The following LAMA2 variants were observed in gnomAD, a reference collection of about 807,000 sequenced individuals.
LAMA2 encodes laminin subunit alpha-2.
Under a neutral mutation model 364.8 loss-of-function variants are expected in LAMA2, and 269 were observed. The observed-to-expected ratio is 0.74, with a 90% CI of 0.67 to 0.82. LAMA2 has a LOEUF of 0.82. LAMA2 is among the 40% of genes least tolerant of loss of function. LAMA2 has a pLI of 0.00. For missense variants in LAMA2, 3,807 were observed against 3,873.2 expected, an observed-to-expected ratio of 0.98 and a Z score of 0.45; for synonymous variants, 1,379 against 1,370.6, an observed-to-expected ratio of 1.01 and a Z score of -0.14.
chr6:129,332,521 A>G (rs1309129869), intron 29 of LAMA2, among the ~76,000 whole-genome samples: 1 of 152,130 alleles, frequency 6.6e-6, no homozygotes, highest in Non-Finnish European at 1.5e-5. Context: ...ACAAATTTTA[A>G]TTACAATCAA....
At chr6:129,353,980 G>A (rs1777013851) in intron 32 of LAMA2, among the ~76,000 whole-genome samples, 1 of 152,108 alleles carries the variant, frequency 6.6e-6, no homozygotes, top group Non-Finnish European at 1.5e-5. Context: ...AAAGTACATT[G>A]AAATCAGTAG....
At position 129,512,352 on chromosome 6, in the gene LAMA2, T is replaced by C. The variant is rs779633863; in HGVS notation, c.8858-11T>C. 9.9e-6 allele frequency: 16 copies of C among 1,612,712 alleles called. No homozygotes were observed. Among genetic ancestry groups the C allele is most frequent in the African/African-American group, 1.3e-5 (1 of 74,892 alleles). ...TCTAATCCAAAATATTTTAAAATCTTCATTTTACAGTTGGTGGATTCAAAG... is the reference window on the plus strand; with the variant it reads ...TCTAATCCAAAATATTTTAAAATCTCCATTTTACAGTTGGTGGATTCAAAG... On this transcript the variant is annotated splice_polypyrimidine_tract_variant and intron_variant, in intron 62 of 64. Coordinates refer to ENST00000421865, the MANE Select transcript of LAMA2 (RefSeq NM_000426.4).
Position 129,218,838 on chromosome 6 carries a change from CAT to C in LAMA2, c.1782+25986_1782+25987del, listed in dbSNP as rs1268980942. 2.6e-5 allele frequency among the ~76,000 whole-genome samples: 4 copies of C among 151,228 alleles called. No individual in the cohort carries two copies. In the East Asian group the frequency reaches 7.7e-4, roughly 29 times the overall value. On this transcript the variant is annotated intron_variant, in intron 12 of 64. Transcript: ENST00000421865. The stretch of plus-strand genomic sequence containing the variant: ...ATTTGCAGATGCTTAAATTTAGATA[CAT>C]GTTTAATACTGTAATCATTTTGATC...
chr6:129,326,117 G>C (rs1478179094), intron 28 of LAMA2, among the ~76,000 whole-genome samples: 1 of 152,216 alleles, frequency 6.6e-6, no homozygotes, highest in Non-Finnish European at 1.5e-5. Flanking sequence ...TGGGATTACA[G>C]GCGTGAGCCA....
chr6:129,259,866 T>G (rs987603944), intron 14 of LAMA2, among the ~76,000 whole-genome samples: 7 of 152,136 alleles, frequency 4.6e-5, no homozygotes, highest in African/African-American at 1.7e-4. Flanking sequence ...CTTGGTCTAT[T>G]TGACTCACAA....
intron 9 of LAMA2, among the ~76,000 whole-genome samples, chr6:129,168,304 C>T (rs1174659231): frequency 6.7e-6 from 1 of 149,840 alleles, no homozygotes; most frequent in Non-Finnish European, 1.5e-5. Context: ...TTAGGTCTAA[C>T]GTTTAAGTCT....
At chr6:129,326,827 C>T (rs1280395803) in intron 28 of LAMA2, among the ~76,000 whole-genome samples, 2 of 144,556 alleles carry the variant, frequency 1.4e-5, no homozygotes, top group Non-Finnish European at 3.0e-5. Flanking sequence ...GAAATCCATG[C>T]ACAGAAAATC....
intron 45 of LAMA2, among the ~76,000 whole-genome samples, chr6:129,449,972 G>T (rs530994047): frequency 2.0e-5 from 3 of 151,014 alleles, no homozygotes; most frequent in Admixed American, 2.0e-4. Flanking sequence ...CCAGCTAATT[G>T]TTTTTGTATT....
chr6:129,483,237 A>G (rs1343913932), intron 55 of LAMA2, among the ~76,000 whole-genome samples: 5 of 151,682 alleles, frequency 3.3e-5, no homozygotes, highest in Non-Finnish European at 7.4e-5. Context: ...AAAAAAAACT[A>G]TAACAAGTAT....
Position 129,190,700 on chromosome 6 carries a change from C to T in LAMA2, c.1608+355C>T, listed in dbSNP as rs1208101082. 4.6e-5 allele frequency among the ~76,000 whole-genome samples: 7 copies of T among 152,046 alleles called. No individual in the cohort carries two copies. In the East Asian group the frequency reaches 5.8e-4, roughly 13 times the overall value. Reference sequence around the variant, plus strand: ...TTATATTTTCCATTACTAGTATGTTCGTATGCAAGTTGAGAAAAACTCTGT... The same window carrying T: ...TTATATTTTCCATTACTAGTATGTTTGTATGCAAGTTGAGAAAAACTCTGT... On this transcript the variant is annotated intron_variant, in intron 11 of 64. Transcript: ENST00000421865.
At chr6:129,071,160 C>T (rs565047430) in intron 3 of LAMA2, among the ~76,000 whole-genome samples, 3 of 152,276 alleles carry the variant, frequency 2.0e-5, no homozygotes, top group African/African-American at 7.2e-5. Context: ...TTGAGTTGGG[C>T]TTTTCAAGAA....
intron 30 of LAMA2, among the ~76,000 whole-genome samples, chr6:129,347,654 A>G (rs1487366309): frequency 6.6e-6 from 1 of 152,154 alleles, no homozygotes; most frequent in Non-Finnish European, 1.5e-5. Context: ...GGAAATGTAA[A>G]AGATGGTCAC....
At chr6:129,285,743 TTCTTA>T (rs1222458004) in intron 18 of LAMA2, among the ~76,000 whole-genome samples, 2 of 152,094 alleles carry the variant, frequency 1.3e-5, no homozygotes, top group Non-Finnish European at 2.9e-5. Flanking sequence ...AAGAATCTCC[TTCTTA>T]TCTTTATCAA....
Position 129,403,851 on chromosome 6 carries a change from C to T in LAMA2, c.5757C>T (p.Phe1919=), listed in dbSNP as rs2114697649. 1 of 1,613,726 alleles carries T rather than the reference C, an allele frequency of 6.2e-7. No individual in the cohort carries two copies. Among genetic ancestry groups the T allele is most frequent in the Non-Finnish European group, 8.5e-7 (1 of 1,179,736 alleles). Reference sequence around the variant, plus strand: ...TTGATGAGGCTAAAAACATCTCCTTCAATGCCACTGCAGCCTTCAAAGCTT... The same window carrying T: ...TTGATGAGGCTAAAAACATCTCCTTTAATGCCACTGCAGCCTTCAAAGCTT... ...GILDEAKNIS[F]NATAAFKAYS... is the part of the protein sequence containing the mutation. Residue 1919 remains phenylalanine, a synonymous_variant, in exon 40 of 65, where the codon TTC becomes TTT. Transcript: ENST00000421865.
chr6:129,154,573 T>C lies in LAMA2; in HGVS notation c.1096T>C (p.Leu366=), dbSNP rs1398315142. 1.2e-6 allele frequency: 2 copies of C among 1,614,046 alleles called. No homozygotes were observed. The highest frequency in any genetic ancestry group is 3.3e-5 in the Admixed American group (2 of 60,020). The change falls in exon 8 of 65, where the codon TTG becomes CTG. Residue 366 remains leucine (L), a synonymous_variant. Coordinates refer to ENST00000421865, the MANE Select transcript of LAMA2 (RefSeq NM_000426.4). ...DENVARRNLS[L]NIRGKYIGGG... is the part of the protein sequence containing the mutation. ...AAATGTTGCCAGAAGAAATCTGAGT[T>C]TGAATATACGTGGAAAGTACATTGG...
rs184719572 is a variant in LAMA2, at chr6:128,903,732, A to G, written c.112+20375A>G. ...AATGCTTAGAACATCTTTCTCTTTT[A>G]AAGAGGGAAATTAAGATAAAGAGCT... On this transcript the variant is annotated intron_variant, in intron 1 of 64. Coordinates refer to ENST00000421865, the MANE Select transcript of LAMA2 (RefSeq NM_000426.4). 6.1e-3 allele frequency among the ~76,000 whole-genome samples: 931 copies of G among 152,162 alleles called. 8 individuals carry two copies. The highest frequency in any genetic ancestry group is 0.011 in the Non-Finnish European group (718 of 68,026).
chr6:129,404,598 T>A (rs1295468311), intron 40 of LAMA2, among the ~76,000 whole-genome samples: 1 of 152,182 alleles, frequency 6.6e-6, no homozygotes, highest in Non-Finnish European at 1.5e-5. Context: ...CAACATTTTG[T>A]ACATGAGTTG....
intron 18 of LAMA2, among the ~76,000 whole-genome samples, chr6:129,286,298 G>A (rs1285244329): frequency 6.6e-6 from 1 of 151,642 alleles, no homozygotes; most frequent in African/African-American, 2.4e-5. Flanking sequence ...ATAAGATTCA[G>A]ATGCCCTGTT....
At chr6:129,205,225 TAAA>T (rs11387698) in intron 12 of LAMA2, among the ~76,000 whole-genome samples, 1 of 149,966 alleles carries the variant, frequency 6.7e-6, no homozygotes, top group Non-Finnish European at 1.5e-5. Flanking sequence ...CCGTCTCTAC[TAAA>T]AAAAATACAA....
Sources: gnomAD v4.1 joint callset for allele counts (sites outside exome capture counted in the v4.1 genomes callset) on GRCh38, gnomAD v4.1.1 for gene constraint, MANE v1.5 for transcripts, NCBI Gene and HGNC (gene_info 2026-07-23, HGNC 2026-07-21) for gene names.